DNAH17: variants seen among roughly 807,000 people sequenced by gnomAD.
DNAH17 encodes dynein axonemal heavy chain 17, also known as axonemal beta dynein heavy chain 17.
Under a neutral mutation model 485.6 loss-of-function variants are expected in DNAH17, and 376 were observed. The observed-to-expected ratio is 0.77, with a 90% CI of 0.71 to 0.84. The LOEUF is 0.84. Ranked by LOEUF, DNAH17 falls within the 40% of genes least tolerant of loss-of-function variation. The pLI is 0.00. For synonymous variants in DNAH17, 3,031 were observed against 2,405.9 expected, an observed-to-expected ratio of 1.26 and a Z score of -7.60; for missense variants, 6,370 against 5,839.3, an observed-to-expected ratio of 1.09 and a Z score of -2.96.
At chr17:78,539,996 G>T (rs1598673874) in intron 17 of DNAH17, 116 bp from the exon 18 acceptor site, 3 of 1,043,516 alleles carry the variant, frequency 2.9e-6, no homozygotes, top group East Asian at 3.1e-5. Flanking sequence ...GACACACGGG[G>T]CTGCTTTGAG....
intron 15 of DNAH17, 44 bp from the exon 16 acceptor site, chr17:78,551,682 G>T: frequency 6.3e-7 from 1 of 1,590,816 alleles, no homozygotes; most frequent in South Asian, 1.1e-5. Flanking sequence ...GAACAATTCA[G>T]GCTGGGCGCG....
In DNAH17 at chr17:78,550,844, T is replaced by C. The variant is rs117891554; in HGVS notation, c.2391+691A>G. On this transcript the variant is annotated intron_variant, in intron 16 of 80. Coordinates refer to ENST00000389840, the MANE Select transcript of DNAH17 (RefSeq NM_173628.4). ...TAGATGAGGTCAAAAGAAAGATATTTTGGACAAGGGAGGACTCAAAGTATG... is the reference window on the plus strand; with the variant it reads ...TAGATGAGGTCAAAAGAAAGATATTCTGGACAAGGGAGGACTCAAAGTATG... Among the ~76,000 whole-genome samples, 12 of 152,196 alleles carry C rather than the reference T, an allele frequency of 7.9e-5. No homozygotes were observed. The East Asian group carries it at 2.1e-3, about 27-fold the overall frequency.
Position 78,507,337 on chromosome 17 carries a change from G to A in DNAH17, c.4617C>T (p.Asn1539=), listed in dbSNP as rs752188212. 2.3e-5 allele frequency: 37 copies of A among 1,613,918 alleles called. No homozygotes were observed. In the East Asian group the frequency reaches 3.8e-4, roughly 17 times the overall value. Residue 1539 remains asparagine, a synonymous_variant, in exon 29 of 81, where the codon AAC becomes AAT. Coordinates refer to ENST00000389840, the MANE Select transcript of DNAH17 (RefSeq NM_173628.4). ...CGGGTTTGCTGGTGGCTTCCACCAC[G>A]TTGGGTGTTTTCACTGCATCTTCCA... ...ALMEDAVKTP[N]VVEATSKPGL... is the part of the protein sequence containing the mutation.
chr17:78,425,251 G>T, intron 80 of DNAH17, 95 bp downstream of exon 80: 2 of 1,298,724 alleles, frequency 1.5e-6, no homozygotes, highest in South Asian at 1.4e-5. Flanking sequence ...CACAGCTCTT[G>T]AACAGCCTGT....
intron 25 of DNAH17, among the ~76,000 whole-genome samples, chr17:78,521,424 T>A (rs1339776238): frequency 1.3e-5 from 2 of 151,974 alleles, no homozygotes; most frequent in Admixed American, 6.6e-5. Flanking sequence ...AAAAGAATTT[T>A]TTTTAATGGA....
At chr17:78,487,339 G>A (rs1321569857) in intron 44 of DNAH17, among the ~76,000 whole-genome samples, 1 of 152,198 alleles carries the variant, frequency 6.6e-6, no homozygotes, top group Non-Finnish European at 1.5e-5. Flanking sequence ...CTCAGAGAAG[G>A]GGGCCTGGTC....
chr17:78,493,002 G>A (rs780591461), intron 41 of DNAH17: 45 of 355,472 alleles, frequency 1.3e-4, no homozygotes, highest in African/African-American at 4.1e-4. Context: ...AGGCGCCCAT[G>A]ACCACACCCG....
chr17:78,450,527 A>T, intron 67 of DNAH17, 133 bp from the exon 68 acceptor site: 1 of 1,431,296 alleles, frequency 7.0e-7, no homozygotes, highest in Non-Finnish European at 9.4e-7. Flanking sequence ...TGGGTGCAGG[A>T]TGGGAGCCCA....
At chr17:78,461,030 G>A (rs2088094331) in intron 58 of DNAH17, among the ~76,000 whole-genome samples, 2 of 152,000 alleles carry the variant, frequency 1.3e-5, no homozygotes, top group African/African-American at 4.8e-5. Flanking sequence ...CAAAGATGAT[G>A]AAGACGCTCC....
chr17:78,563,790 C>T (rs2092210749), intron 11 of DNAH17, among the ~76,000 whole-genome samples: 1 of 151,970 alleles, frequency 6.6e-6, no homozygotes, highest in African/African-American at 2.4e-5. Flanking sequence ...GAGAGAAACC[C>T]CAGGGCCCTA....
At chr17:78,429,386 T>C in intron 75 of DNAH17, 86 bp from the exon 76 acceptor site, 1 of 1,437,536 alleles carries the variant, frequency 7.0e-7, no homozygotes, top group South Asian at 1.3e-5. Flanking sequence ...AGGCAGGGCG[T>C]GGGAACCCAG....
At chr17:78,447,893 C>T (rs930599738) in intron 69 of DNAH17, among the ~76,000 whole-genome samples, 3 of 150,706 alleles carry the variant, frequency 2.0e-5, no homozygotes, top group Non-Finnish European at 2.9e-5. Context: ...AAATTAGGGC[C>T]GGGTGCGGTG....
intron 36 of DNAH17, 84 bp from the exon 37 acceptor site, chr17:78,499,196 G>A (rs1354487847): frequency 2.2e-5 from 22 of 1,005,852 alleles, no homozygotes; most frequent in South Asian, 1.8e-4. Context: ...CTGCCTCTTC[G>A]GCTGTGTTTT....
chr17:78,546,231 A>G (rs867063869), intron 16 of DNAH17, among the ~76,000 whole-genome samples: 5 of 152,192 alleles, frequency 3.3e-5, no homozygotes, highest in Admixed American at 6.5e-5. Context: ...CGGCTGTGAG[A>G]ACTGCCATCT....
intron 75 of DNAH17, among the ~76,000 whole-genome samples, chr17:78,433,299 G>A (rs1465687985): frequency 1.3e-5 from 2 of 152,288 alleles, no homozygotes; most frequent in Non-Finnish European, 2.9e-5. Flanking sequence ...CCGTAGATGG[G>A]GCTGCAGGGC....
At chr17:78,439,987 A>G (rs1031085105) in intron 72 of DNAH17, among the ~76,000 whole-genome samples, 1 of 151,200 alleles carries the variant, frequency 6.6e-6, no homozygotes. Flanking sequence ...TTTTTGAGAC[A>G]GGGTCTCAAC....
At chr17:78,567,286 C>G in intron 9 of DNAH17, 120 bp from the exon 10 acceptor site, 1 of 1,005,168 alleles carries the variant, frequency 9.9e-7, no homozygotes, top group Non-Finnish European at 1.5e-6. Context: ...CCAGGAGACA[C>G]CAACCATGGG....
At position 78,428,492 on chromosome 17, in the gene DNAH17, C is replaced by T. The variant is rs370718274; in HGVS notation, c.12588+33G>A. On this transcript the variant is annotated intron_variant, in intron 77 of 80. Transcript: ENST00000389840. Reference sequence around the variant, plus strand: ...TCCTCAGTTCTAGATCCTCCCCCTTCCTCTCGCTTGGGAGCAGTTTCAAAG... The same window carrying T: ...TCCTCAGTTCTAGATCCTCCCCCTTTCTCTCGCTTGGGAGCAGTTTCAAAG... 3.2e-6 allele frequency: 5 copies of T among 1,561,354 alleles called. No homozygotes were observed. In the African/African-American group the frequency reaches 6.8e-5, roughly 21 times the overall value.
At chr17:78,554,567 GAGA>G (rs2091980362) in intron 14 of DNAH17, among the ~76,000 whole-genome samples, 1 of 150,076 alleles carries the variant, frequency 6.7e-6, no homozygotes, top group Non-Finnish European at 1.5e-5. Flanking sequence ...ACAAACAAGG[GAGA>G]AGTTTTCATG....
Sources: allele counts gnomAD v4.1 joint callset (sites outside exome capture counted in the v4.1 genomes callset), GRCh38; gene constraint gnomAD v4.1.1; transcripts MANE v1.5; gene names NCBI Gene and HGNC (gene_info 2026-07-23, HGNC 2026-07-21).